The following ZNF780A variants were observed in gnomAD, a reference collection of about 807,000 sequenced individuals.
ZNF780A encodes the protein zinc finger protein 780A.
In ZNF780A, 40 loss-of-function variants were observed where a neutral mutation model predicts 56.7. The observed-to-expected ratio is 0.71, with a 90% CI of 0.55 to 0.92. ZNF780A has a LOEUF of 0.92. Ranked by LOEUF, ZNF780A falls within the 40% of genes least tolerant of loss-of-function variation. The pLI is 0.00. For missense variants in ZNF780A, 672 were observed against 783.3 expected, an observed-to-expected ratio of 0.86 and a Z score of 1.70; for synonymous variants, 231 against 248.3, an observed-to-expected ratio of 0.93 and a Z score of 0.66.
chr19:40,077,412 G>A (rs1326283346), intron 5 of ZNF780A, among the ~76,000 whole-genome samples: 1 of 152,084 alleles, frequency 6.6e-6, no homozygotes, highest in Non-Finnish European at 1.5e-5. Context: ...AGGAACAAGA[G>A]AGAGAACAAG....
chr19:40,076,262 A>G (rs1974129120), intron 5 of ZNF780A, 53 bp from the exon 6 acceptor site: 1 of 1,484,386 alleles, frequency 6.7e-7, no homozygotes, highest in Admixed American at 2.4e-5. Flanking sequence ...ACACACATGC[A>G]TACAAAGTCC....
At chr19:40,072,531 A>G (rs1973864671), downstream of ZNF780A, 1 of 188,852 alleles carries the variant, frequency 5.3e-6, no homozygotes, top group Non-Finnish European at 1.1e-5. Context: ...GCCTGAGAGC[A>G]CAGCGGGAGG....
chr19:40,089,822 T>C (rs1338420561), intron 2 of ZNF780A, among the ~76,000 whole-genome samples: 2 of 152,280 alleles, frequency 1.3e-5, no homozygotes, highest in Admixed American at 1.3e-4. Context: ...CATCCAACCA[T>C]CTCCATTCTT....
At position 40,075,278 on chromosome 19, in the gene ZNF780A, C is replaced by T. The variant is rs766529594; in HGVS notation, c.1164G>A (p.Pro388=). The T allele has an allele frequency of 3.7e-5, 60 of 1,612,242 alleles. No individual in the cohort carries two copies. In the East Asian group the frequency reaches 4.5e-4, roughly 12 times the overall value. The change falls in exon 6 of 6, where the codon CCG becomes CCA. Residue 388 remains proline (P), a synonymous_variant. Transcript: ENST00000683561. ...ACTTCCCACATTCCTTACATTCAAA[C>T]GGTTTTTCACCTGTGTGAATGTTCT... ...RHKNIHTGEK[P]FECKECGKSF... is the part of the protein sequence containing the mutation.
Position 40,074,410 on chromosome 19 carries a change from G to A in ZNF780A, c.*106C>T, listed in dbSNP as rs1973952856. ...GAATAACGTTTGAACCACAAATGAA[G>A]CCTTTCCCACACCCCTTACATTCAC... On this transcript the variant is annotated 3_prime_UTR_variant, in exon 6 of 6. Transcript: ENST00000683561. The A allele has an allele frequency of 6.4e-7, 1 of 1,553,260 alleles. No homozygotes were observed. The highest frequency in any genetic ancestry group is 1.4e-5 in the African/African-American group (1 of 72,872).
chr19:40,085,373 T>G, intron 2 of ZNF780A: 7 of 981,318 alleles, frequency 7.1e-6, no homozygotes, highest in Non-Finnish European at 8.5e-6. Context: ...CTTAATAGAA[T>G]ACAAAGTAAA....
intron 5 of ZNF780A, among the ~76,000 whole-genome samples, chr19:40,077,260 A>C (rs1974196620): frequency 2.0e-5 from 3 of 152,092 alleles, no homozygotes; most frequent in African/African-American, 7.2e-5. Context: ...TGGGTAATTT[A>C]CGAAAAAATG....
intron 3 of ZNF780A, among the ~76,000 whole-genome samples, chr19:40,083,603 A>G (rs1451163391): frequency 6.7e-6 from 1 of 149,228 alleles, no homozygotes; most frequent in Non-Finnish European, 1.5e-5. Flanking sequence ...GTTCAAGGCT[A>G]TAGTGAACTG....
intron 5 of ZNF780A, among the ~76,000 whole-genome samples, chr19:40,076,839 C>A (rs1974167067): frequency 6.6e-6 from 1 of 152,178 alleles, no homozygotes; most frequent in African/African-American, 2.4e-5. Context: ...ACACATACAA[C>A]CTGCTGTTTC....
rs752335520 is a variant in ZNF780A, at chr19:40,074,391, C to T, written c.*125G>A. 21 of 1,545,262 alleles carry T rather than the reference C, an allele frequency of 1.4e-5. No individual in the cohort carries two copies. Among genetic ancestry groups the T allele is most frequent in the Admixed American group, 6.1e-5 (3 of 48,904 alleles). ...GAATGAATTTTCTGATGCTGAATAA[C>T]GTTTGAACCACAAATGAAGCCTTTC... is the stretch of plus-strand genomic sequence containing the variant. On this transcript the variant is annotated 3_prime_UTR_variant, in exon 6 of 6. Transcript: ENST00000683561.
chr19:40,084,717 C>T, intron 3 of ZNF780A, 28 bp downstream of exon 3: 10 of 1,548,610 alleles, frequency 6.5e-6, no homozygotes, highest in Non-Finnish European at 8.7e-6. Context: ...CACCATATTT[C>T]AAGGAAAAGA....
Position 40,075,514 on chromosome 19 carries a change from A to G in ZNF780A, c.928T>C (p.Cys310Arg). ...SNEKPFVCKE[C>R]GMAFRYHYQL... ...TAATGATATCGAAAGGCCATCCCAC[A>G]TTCCTTACATACAAAGGGTTTCTCA... is the stretch of plus-strand genomic sequence containing the variant. The change falls in exon 6 of 6, where the codon TGT (cysteine) becomes CGT (arginine). Residue 310 changes from cysteine to arginine, a missense_variant. Coordinates refer to ENST00000683561, the MANE Select transcript of ZNF780A (RefSeq NM_001142578.2). 6.2e-7 allele frequency: 1 copy of G among 1,613,144 alleles called. No homozygotes were observed. The highest frequency in any genetic ancestry group is 8.5e-7 in the Non-Finnish European group (1 of 1,179,804).
Position 40,076,247 on chromosome 19 carries a change from G to A in ZNF780A, c.233-38C>T, listed in dbSNP as rs377736722. On this transcript the variant is annotated intron_variant, in intron 5 of 5. Coordinates refer to ENST00000683561, the MANE Select transcript of ZNF780A (RefSeq NM_001142578.2). ...AAGAAAGCAAACCTATTTTATTTTC[G>A]TATAACACACATGCATACAAAGTCC... is the stretch of plus-strand genomic sequence containing the variant. 475 of 1,517,552 alleles carry A rather than the reference G, an allele frequency of 3.1e-4. 3 individuals are homozygous for A. The highest frequency in any genetic ancestry group is 1.6e-3 in the South Asian group (119 of 73,290). The allele number at this position is 1,517,552 out of a possible 1,614,324, so 94.0% of individuals were successfully genotyped here. A position where few individuals can be genotyped will look rare whatever the true frequency, so the allele number is the denominator to read the frequency against.
intron 5 of ZNF780A, 123 bp from the exon 6 acceptor site, chr19:40,076,332 A>G: frequency 9.8e-7 from 1 of 1,023,046 alleles, no homozygotes. Flanking sequence ...TTATTAGCCA[A>G]AACCAACAAA....
chr19:40,069,877 G>A (rs1973757784), downstream of ZNF780A: 1 of 152,094 alleles, frequency 6.6e-6, no homozygotes, highest in South Asian at 2.1e-4. Flanking sequence ...ATACAGAAAA[G>A]TTTGAGTAAG....
intron 5 of ZNF780A, among the ~76,000 whole-genome samples, chr19:40,077,490 C>T (rs575382797): frequency 1.3e-5 from 2 of 152,216 alleles, no homozygotes; most frequent in Non-Finnish European, 2.9e-5. Context: ...GAGGACAGCA[C>T]CAAGGGGATG....
In ZNF780A at chr19:40,074,781, T is replaced by C; in HGVS notation, c.1661A>G (p.Lys554Arg). Residue 554 changes from lysine to arginine, a missense_variant, in exon 6 of 6, where the codon AAG becomes AGG. By Grantham distance (26) the Lys-to-Arg change is conservative. Transcript: ENST00000683561. ...LNQHRSIHTG[K>R]KPFECKECGK... ...ACATTCCTTACATTCAAAGGGTTTC[T>C]TTCCAGTATGAATACTTCGATGTTG... 1 of 1,614,146 alleles carries C rather than the reference T, an allele frequency of 6.2e-7. No individual in the cohort carries two copies. The highest frequency in any genetic ancestry group is 1.1e-5 in the South Asian group (1 of 91,074).
At chr19:40,084,404 CCAAGTGTGGT>C (rs1158457964) in intron 3 of ZNF780A, among the ~76,000 whole-genome samples, 3 of 152,120 alleles carry the variant, frequency 2.0e-5, no homozygotes, top group Non-Finnish European at 4.4e-5. Context: ...CAAAGTGTTC[CCAAGTGTGGT>C]CAATCATCTG....
chr19:40,080,723 T>C (rs949544184), intron 5 of ZNF780A, among the ~76,000 whole-genome samples: 1 of 152,196 alleles, frequency 6.6e-6, no homozygotes, highest in Admixed American at 6.5e-5. Context: ...TATTGGGTAC[T>C]ATGCTTATTA....
Sources: allele counts gnomAD v4.1 joint callset (sites outside exome capture counted in the v4.1 genomes callset), GRCh38; gene constraint gnomAD v4.1.1; transcripts MANE v1.5; gene names NCBI Gene and HGNC (gene_info 2026-07-23, HGNC 2026-07-21).